GPM6A: variants seen among roughly 807,000 people sequenced by gnomAD.
The protein encoded by GPM6A is glycoprotein M6A, also known as neuronal membrane glycoprotein M6-a.
In GPM6A, 7 loss-of-function variants were observed where a neutral mutation model predicts 32.1. The ratio of observed to expected loss-of-function variants is 0.22; its 90% CI spans 0.12 to 0.41. The LOEUF (loss-of-function observed/expected upper bound fraction) is 0.41. Among genes scored for constraint, GPM6A ranks in the 10% least tolerant of loss-of-function variants. The probability of loss-of-function intolerance (pLI) is 1.00; values close to 1 mark genes in which losing one functional copy is unlikely to be tolerated. For synonymous variants in GPM6A, 130 were observed against 123.4 expected, an observed-to-expected ratio of 1.05 and a Z score of -0.35; for missense variants, 235 against 347.2, an observed-to-expected ratio of 0.68 and a Z score of 2.57.
chr4:175,697,426 C>T (rs1203654086), intron 2 of GPM6A, among the ~76,000 whole-genome samples: 1 of 152,140 alleles, frequency 6.6e-6, no homozygotes, highest in African/African-American at 2.4e-5. Flanking sequence ...ATGTCCTCCT[C>T]ATCACATAGC....
At chr4:175,802,513 C>T (rs139521359) in intron 1 of GPM6A, among the ~76,000 whole-genome samples, 9 of 152,002 alleles carry the variant, frequency 5.9e-5, no homozygotes, top group East Asian at 5.8e-4. Flanking sequence ...TAAAATAAAG[C>T]GTAAAAGAAG....
At chr4:175,962,190 C>T (rs1740188750) in intron 1 of GPM6A, 10 of 1,162,092 alleles carry the variant, frequency 8.6e-6, no homozygotes, top group Non-Finnish European at 1.3e-5. Context: ...GCTTTCTTTG[C>T]CCCTGGAGTA....
At chr4:175,910,334 A>C (rs1193186492) in intron 1 of GPM6A, among the ~76,000 whole-genome samples, 1 of 152,144 alleles carries the variant, frequency 6.6e-6, no homozygotes, top group Admixed American at 6.5e-5. Flanking sequence ...AAATGATGAA[A>C]CTCATGTAAT....
At chr4:175,848,398 G>A (rs941978222) in intron 1 of GPM6A, among the ~76,000 whole-genome samples, 1 of 152,056 alleles carries the variant, frequency 6.6e-6, no homozygotes, top group Non-Finnish European at 1.5e-5. Context: ...TAAATGGGAG[G>A]CCCTAGAGTT....
chr4:175,790,378 T>G (rs1733964847), intron 1 of GPM6A: 1 of 152,222 alleles, frequency 6.6e-6, no homozygotes, highest in Non-Finnish European at 1.5e-5. Flanking sequence ...GCTAACACAT[T>G]AATGAGATTT....
At chr4:175,665,275 C>A (rs112256347) in intron 3 of GPM6A, among the ~76,000 whole-genome samples, 43 of 152,204 alleles carry the variant, frequency 2.8e-4, no homozygotes, top group Non-Finnish European at 5.6e-4. Context: ...GTATAGCATG[C>A]ATGTCTTCAT....
intron 1 of GPM6A, among the ~76,000 whole-genome samples, chr4:175,888,435 T>A (rs1430890083): frequency 1.3e-5 from 2 of 151,918 alleles, no homozygotes; most frequent in Non-Finnish European, 2.9e-5. Context: ...AAAACAGAAA[T>A]TAAATATACA....
intron 1 of GPM6A, among the ~76,000 whole-genome samples, chr4:175,937,584 A>C (rs995080448): frequency 1.3e-5 from 2 of 152,306 alleles, no homozygotes; most frequent in South Asian, 4.1e-4. Context: ...AAGTCAATGA[A>C]TAAATAGAAT....
At chr4:175,813,209 G>T, upstream of GPM6A, 1 of 339,680 alleles carries the variant, frequency 2.9e-6, no homozygotes, top group Non-Finnish European at 4.2e-6. Context: ...AAAGGTCAGT[G>T]TTAGGGAATG....
intron 1 of GPM6A, among the ~76,000 whole-genome samples, chr4:175,885,221 G>C (rs1041688307): frequency 6.6e-6 from 1 of 152,206 alleles, no homozygotes; most frequent in African/African-American, 2.4e-5. Context: ...AGAACTACCT[G>C]TAACAAAATG....
chr4:175,987,276 T>C (rs1433175814), intron 1 of GPM6A, among the ~76,000 whole-genome samples: 1 of 152,218 alleles, frequency 6.6e-6, no homozygotes, highest in African/African-American at 2.4e-5. Flanking sequence ...CATCTCTAAG[T>C]GTCTTTTGAC....
chr4:175,884,417 C>A (rs1737384207), intron 1 of GPM6A, among the ~76,000 whole-genome samples: 1 of 152,160 alleles, frequency 6.6e-6, no homozygotes, highest in Non-Finnish European at 1.5e-5. Flanking sequence ...TAGTGTCAGA[C>A]TGTTTCATAC....
chr4:175,699,658 TG>T (rs1744767004), intron 2 of GPM6A, among the ~76,000 whole-genome samples: 1 of 152,042 alleles, frequency 6.6e-6, no homozygotes. Context: ...GTGTGGGGGG[TG>T]GAGGGGACTG....
chr4:175,874,805 A>G (rs1737030009), intron 1 of GPM6A, among the ~76,000 whole-genome samples: 2 of 152,166 alleles, frequency 1.3e-5, no homozygotes, highest in Non-Finnish European at 2.9e-5. Context: ...GAAAATTTAT[A>G]CAGTTCATTT....
intron 1 of GPM6A, among the ~76,000 whole-genome samples, chr4:175,920,460 G>T (rs1738629988): frequency 6.6e-6 from 1 of 152,172 alleles, no homozygotes; most frequent in African/African-American, 2.4e-5. Context: ...AATATCACTG[G>T]TAGTGTTAAT....
At chr4:175,844,001 A>G (rs553315588) in intron 1 of GPM6A, among the ~76,000 whole-genome samples, 1 of 152,210 alleles carries the variant, frequency 6.6e-6, no homozygotes, top group East Asian at 1.9e-4. Flanking sequence ...CACCTTTGAT[A>G]CATAAGTCCT....
At chr4:175,864,888 C>A (rs1031909928) in intron 1 of GPM6A, among the ~76,000 whole-genome samples, 1 of 150,338 alleles carries the variant, frequency 6.7e-6, no homozygotes, top group African/African-American at 2.5e-5. Flanking sequence ...CTCACTGCAA[C>A]CTCTGCACCT....
At chr4:175,782,958 GA>G (rs11301751) in intron 1 of GPM6A, among the ~76,000 whole-genome samples, 151,799 of 151,804 alleles carry the variant, frequency 1, 75,897 homozygotes, top group Non-Finnish European at 1. Context: ...CTAGAAATCT[GA>G]AAAAAAATTT....
intron 6 of GPM6A, 93 bp from the exon 7 acceptor site, chr4:175,635,150 T>C (rs1740506970): frequency 2.3e-6 from 2 of 886,132 alleles, no homozygotes; most frequent in East Asian, 5.2e-5. Flanking sequence ...ATTATAGCTC[T>C]TTATAGGAAA....
Sources: allele counts gnomAD v4.1 joint callset (sites outside exome capture counted in the v4.1 genomes callset), GRCh38; gene constraint gnomAD v4.1.1; transcripts MANE v1.5; gene names NCBI Gene and HGNC (gene_info 2026-07-23, HGNC 2026-07-21).